The following CERS6 variants were observed in gnomAD, a reference collection of about 807,000 sequenced individuals.
CERS6 encodes ceramide synthase 6.
CERS6 carries 26 observed loss-of-function variants against 56.8 expected under a neutral mutation model. The ratio of observed to expected loss-of-function variants is 0.46; its 90% CI spans 0.34 to 0.63. CERS6 has a LOEUF of 0.63. Among genes scored for constraint, CERS6 ranks in the 30% least tolerant of loss-of-function variants. The pLI is 0.01. For missense variants in CERS6, 415 were observed against 467.5 expected (o/e 0.89, Z 1.04); for synonymous variants, 164 against 173.3 (o/e 0.95, Z 0.42).
chr2:168,768,904 CAAAAAAAAAA>C (rs765504573), intron 9 of CERS6, among the ~76,000 whole-genome samples: 1 of 59,412 alleles, frequency 1.7e-5, no homozygotes, highest in Non-Finnish European at 3.6e-5. Context: ...GACTCTGACT[CAAAAAAAAAA>C]AAAAAAAAGA....
In CERS6 at chr2:168,765,871, A is replaced by C. The variant is rs556004736; in HGVS notation, c.1002+123A>C. The C allele has an allele frequency of 2.0e-5, 17 of 854,012 alleles. No individual in the cohort carries two copies. In the East Asian group the frequency reaches 4.6e-4, roughly 23 times the overall value. The allele number at this position is 854,012 out of a possible 1,614,324, so 52.9% of individuals were successfully genotyped here. A position where few individuals can be genotyped will look rare whatever the true frequency, so the allele number is the denominator to read the frequency against. The stretch of plus-strand genomic sequence containing the variant: ...GGTAGTATTTCTTCAGAATTGAGCA[A>C]AAATTGAGTCATTTCCTTTTCTAGT... On this transcript the variant is annotated intron_variant, in intron 9 of 9. Transcript: ENST00000305747.
chr2:168,619,444 G>T (rs979899549), intron 3 of CERS6, among the ~76,000 whole-genome samples: 3 of 151,916 alleles, frequency 2.0e-5, no homozygotes, highest in Non-Finnish European at 4.4e-5. Context: ...GAAAATCTTC[G>T]CAATCTATAC....
At chr2:168,648,649 T>A (rs1008334318) in intron 4 of CERS6, among the ~76,000 whole-genome samples, 1 of 152,218 alleles carries the variant, frequency 6.6e-6, no homozygotes, top group African/African-American at 2.4e-5. Context: ...AACTTTTTGA[T>A]GTGGGCATTT....
intron 2 of CERS6, among the ~76,000 whole-genome samples, chr2:168,555,078 T>C (rs952115288): frequency 6.6e-6 from 1 of 152,046 alleles, no homozygotes; most frequent in African/African-American, 2.4e-5. Flanking sequence ...TCTAAGGGGG[T>C]ACATTTATAA....
intron 8 of CERS6, among the ~76,000 whole-genome samples, chr2:168,738,719 G>A (rs1384053604): frequency 2.0e-5 from 3 of 152,152 alleles, no homozygotes; most frequent in Admixed American, 6.6e-5. Context: ...ATCGTAAAAA[G>A]CTTAGGCACA....
At chr2:168,488,241 T>C (rs1229380512) in intron 1 of CERS6, among the ~76,000 whole-genome samples, 8 of 152,204 alleles carry the variant, frequency 5.3e-5, no homozygotes, top group Non-Finnish European at 1.2e-4. Context: ...TGAACACAGC[T>C]TAATACTCTG....
chr2:168,605,637 G>C (rs925716161), intron 3 of CERS6, among the ~76,000 whole-genome samples: 1 of 152,152 alleles, frequency 6.6e-6, no homozygotes, highest in Non-Finnish European at 1.5e-5. Flanking sequence ...TGGTTTCCTG[G>C]GCTAGGCCCA....
intron 1 of CERS6, among the ~76,000 whole-genome samples, chr2:168,537,136 A>G (rs1175950611): frequency 6.6e-6 from 1 of 152,216 alleles, no homozygotes; most frequent in African/African-American, 2.4e-5. Context: ...ATGTAGTATG[A>G]TGCAATTTTG....
chr2:168,493,812 A>G (rs1201242243), intron 1 of CERS6, among the ~76,000 whole-genome samples: 1 of 151,236 alleles, frequency 6.6e-6, no homozygotes, highest in South Asian at 2.1e-4. Context: ...ATAATGTAAC[A>G]TACAGATTAA....
intron 4 of CERS6, among the ~76,000 whole-genome samples, chr2:168,646,850 G>T (rs978229764): frequency 6.6e-6 from 1 of 152,050 alleles, no homozygotes; most frequent in Non-Finnish European, 1.5e-5. Flanking sequence ...TAGGTGTGTG[G>T]CCTTATTTCT....
At chr2:168,644,336 TG>T (rs112015345) in intron 4 of CERS6, 9 of 984,876 alleles carry the variant, frequency 9.1e-6, no homozygotes, top group African/African-American at 7.0e-5. Context: ...GTCTGGAATG[TG>T]GGAAGAGTTG....
intron 8 of CERS6, among the ~76,000 whole-genome samples, chr2:168,762,357 G>A (rs1164127840): frequency 1.3e-5 from 2 of 152,090 alleles, no homozygotes; most frequent in Non-Finnish European, 2.9e-5. Flanking sequence ...TCAATGGCTG[G>A]AGCTTCCAGA....
At chr2:168,609,974 G>GTTTTTTTTTT (rs5836191) in intron 3 of CERS6, among the ~76,000 whole-genome samples, 1 of 93,818 alleles carries the variant, frequency 1.1e-5, no homozygotes, top group Non-Finnish European at 1.9e-5. Context: ...AGATGTGACT[G>GTTTTTTTTTT]TTTTTTTTTT....
At chr2:168,678,376 C>T (rs1391145021) in intron 4 of CERS6, among the ~76,000 whole-genome samples, 1 of 152,206 alleles carries the variant, frequency 6.6e-6, no homozygotes, top group Non-Finnish European at 1.5e-5. Context: ...AGGAAGCACA[C>T]CTGCTTCTTA....
intron 4 of CERS6, among the ~76,000 whole-genome samples, chr2:168,641,515 C>T (rs764074170): frequency 1.3e-5 from 2 of 152,126 alleles, no homozygotes; most frequent in Admixed American, 1.3e-4. Context: ...TGTAGCATCA[C>T]GTACATAGAA....
rs1356692083 is a variant in CERS6 at position 168,577,509 on chromosome 2, T to C, written c.407+16187T>C. Reference sequence around the variant, plus strand: ...GGATTTTTTTTTAACAAGGGAAAAATGATGGCTTGTTTGTATACTGATGGG... The same window carrying C: ...GGATTTTTTTTTAACAAGGGAAAAACGATGGCTTGTTTGTATACTGATGGG... On this transcript the variant is annotated intron_variant, in intron 3 of 9. Coordinates refer to ENST00000305747, the MANE Select transcript of CERS6 (RefSeq NM_203463.3). Among the ~76,000 whole-genome samples the C allele has an allele frequency of 4.6e-5, 7 of 151,734 alleles. No homozygotes were observed. In the East Asian group the frequency reaches 1.4e-3, roughly 29 times the overall value.
intron 9 of CERS6, among the ~76,000 whole-genome samples, chr2:168,766,063 C>G (rs2105466742): frequency 6.6e-6 from 1 of 152,320 alleles, no homozygotes; most frequent in Non-Finnish European, 1.5e-5. Context: ...TTAATCACTT[C>G]TTTCCTTTTA....
intron 1 of CERS6, among the ~76,000 whole-genome samples, chr2:168,507,091 T>C (rs1694692106): frequency 6.6e-6 from 1 of 152,074 alleles, no homozygotes; most frequent in Admixed American, 6.6e-5. Flanking sequence ...CTCCTTAACC[T>C]TATGAGAGCA....
chr2:168,555,722 C>CTGTGTGTGTGTGTGTGTGTGTG (rs58781728), intron 2 of CERS6, among the ~76,000 whole-genome samples: 6 of 140,918 alleles, frequency 4.3e-5, no homozygotes, highest in African/African-American at 1.4e-4. Context: ...ATAATTGACT[C>CTGTGTGTGTGTGTGTGTGTGTG]TGTGTGTGTG....
Sources: gnomAD v4.1 joint callset for allele counts (sites outside exome capture counted in the v4.1 genomes callset) on GRCh38, gnomAD v4.1.1 for gene constraint, MANE v1.5 for transcripts, NCBI Gene and HGNC (gene_info 2026-07-23, HGNC 2026-07-21) for gene names.